The following ITGBL1 variants were observed in gnomAD, a reference collection of about 807,000 sequenced individuals.
The protein encoded by ITGBL1 is integrin subunit beta like 1.
In ITGBL1, 51 loss-of-function variants were observed where a neutral mutation model predicts 68.5. The observed-to-expected ratio is 0.74, with a 90% CI of 0.59 to 0.94. The LOEUF (loss-of-function observed/expected upper bound fraction) is 0.94, where lower values mean the gene tolerates loss of function less well. Ranked by LOEUF, ITGBL1 falls within the 40% of genes least tolerant of loss-of-function variation. ITGBL1 has a pLI of 0.00. For synonymous variants in ITGBL1, 209 were observed against 227.3 expected (o/e 0.92, Z 0.72); for missense variants, 649 against 647.4 (o/e 1.00, Z -0.03).
chr13:101,475,494 T>A (rs1186078616), intron 2 of ITGBL1, among the ~76,000 whole-genome samples: 2 of 150,162 alleles, frequency 1.3e-5, no homozygotes, highest in Non-Finnish European at 3.0e-5. Flanking sequence ...GAGAGAGAGA[T>A]CAGCATAGAA....
Position 101,510,738 on chromosome 13 carries a change from A to G in ITGBL1, c.316+56638A>G, listed in dbSNP as rs946195737. Among the ~76,000 whole-genome samples the G allele has an allele frequency of 6.6e-5, 10 of 151,958 alleles. 1 individual carries two copies. Among genetic ancestry groups the G allele is most frequent in the African/African-American group, 9.7e-5 (4 of 41,406 alleles). On this transcript the variant is annotated intron_variant, in intron 2 of 10. Transcript: ENST00000376180. ...CATTGTGGTTTTGATTTGCATTTTG[A>G]TGATGATTAGTGATGAGCATTTTTT...
At chr13:101,502,824 A>G (rs1400703684) in intron 2 of ITGBL1, among the ~76,000 whole-genome samples, 2 of 152,154 alleles carry the variant, frequency 1.3e-5, no homozygotes, top group Non-Finnish European at 2.9e-5. Context: ...TCCAGGAAGA[A>G]AAAAAGAAAG....
At chr13:101,557,126 C>CAG (rs563521093) in intron 2 of ITGBL1, among the ~76,000 whole-genome samples, 88 of 152,246 alleles carry the variant, frequency 5.8e-4, no homozygotes, top group African/African-American at 1.9e-3. Flanking sequence ...AGGCTGTGGG[C>CAG]AGAGATTTTT....
At chr13:101,539,343 G>A (rs559586414) in intron 2 of ITGBL1, among the ~76,000 whole-genome samples, 1 of 151,992 alleles carries the variant, frequency 6.6e-6, no homozygotes, top group African/African-American at 2.4e-5. Context: ...GAGAATGATG[G>A]TTTCCAGCTT....
chr13:101,631,312 A>G (rs2031970460), intron 7 of ITGBL1, among the ~76,000 whole-genome samples: 1 of 152,052 alleles, frequency 6.6e-6, no homozygotes, highest in Non-Finnish European at 1.5e-5. Context: ...AGGATAATTT[A>G]TTTGATTTTC....
chr13:101,652,604 T>C (rs1277093240), intron 7 of ITGBL1, among the ~76,000 whole-genome samples: 1 of 152,146 alleles, frequency 6.6e-6, no homozygotes, highest in Non-Finnish European at 1.5e-5. Flanking sequence ...GAATCCAAAT[T>C]TTTTGTCTGA....
intron 2 of ITGBL1, among the ~76,000 whole-genome samples, chr13:101,532,081 T>C (rs2049493269): frequency 1.3e-5 from 2 of 152,118 alleles, no homozygotes. Context: ...ACATACAACA[T>C]GCACATCTTA....
chr13:101,524,147 C>G (rs1409615726), intron 2 of ITGBL1, among the ~76,000 whole-genome samples: 2 of 137,466 alleles, frequency 1.5e-5, no homozygotes, highest in African/African-American at 5.4e-5. Context: ...TTTTTTTTAA[C>G]TAGCTCTCCT....
At chr13:101,512,636 G>T (rs1374725911) in intron 2 of ITGBL1, among the ~76,000 whole-genome samples, 2 of 152,098 alleles carry the variant, frequency 1.3e-5, no homozygotes, top group African/African-American at 4.8e-5. Flanking sequence ...TTCCCATGGG[G>T]TGGTTGACCT....
chr13:101,588,854 A>C (rs376765511), intron 6 of ITGBL1, among the ~76,000 whole-genome samples: 1 of 152,182 alleles, frequency 6.6e-6, no homozygotes, highest in Admixed American at 6.5e-5. Context: ...ATAACTTTTA[A>C]AATTGGAATT....
At chr13:101,576,951 T>TAA (rs1566739281) in intron 4 of ITGBL1, among the ~76,000 whole-genome samples, 1 of 66,228 alleles carries the variant, frequency 1.5e-5, no homozygotes. Context: ...TTATTATAGA[T>TAA]GGAAAAAAAA....
chr13:101,508,904 A>G, intron 2 of ITGBL1, among the ~76,000 whole-genome samples: 1 of 152,144 alleles, frequency 6.6e-6, no homozygotes, highest in East Asian at 1.9e-4. Flanking sequence ...TCCTTTCCCA[A>G]ACTTGAAACT....
In ITGBL1 at chr13:101,625,710, G is replaced by C. The variant is rs113496549; in HGVS notation, c.1015+27411G>C. Among the ~76,000 whole-genome samples, 505 of 152,062 alleles carry C rather than the reference G, an allele frequency of 3.3e-3. 2 individuals are homozygous for C. Among genetic ancestry groups the C allele is most frequent in the African/African-American group, 0.012 (481 of 41,478 alleles). ...TGGGAATACAGGAGCCTGCCATCAT[G>C]CCCAGCTAATTTTTTGTATTTTTAG... On this transcript the variant is annotated intron_variant, in intron 7 of 10. Transcript: ENST00000376180.
intron 2 of ITGBL1, among the ~76,000 whole-genome samples, chr13:101,565,657 A>G (rs1236652408): frequency 6.6e-6 from 1 of 152,176 alleles, no homozygotes; most frequent in Non-Finnish European, 1.5e-5. Context: ...TCTAAGCTAA[A>G]AAAATTAAAA....
At chr13:101,631,550 T>C (rs1238492459) in intron 7 of ITGBL1, among the ~76,000 whole-genome samples, 2 of 152,126 alleles carry the variant, frequency 1.3e-5, no homozygotes, top group African/African-American at 4.8e-5. Context: ...CCTACTACCA[T>C]AGATGATGTT....
chr13:101,576,789 A>G (rs976406214), intron 4 of ITGBL1, among the ~76,000 whole-genome samples: 4 of 152,136 alleles, frequency 2.6e-5, no homozygotes, highest in Non-Finnish European at 5.9e-5. Context: ...AACAAACACA[A>G]AAACCTTATT....
intron 7 of ITGBL1, among the ~76,000 whole-genome samples, chr13:101,628,498 T>A (rs533729342): frequency 6.6e-6 from 1 of 151,884 alleles, no homozygotes; most frequent in South Asian, 2.1e-4. Context: ...AGTGGCATGA[T>A]CTCAGCTCAC....
downstream of ITGBL1, chr13:101,720,611 T>TAGC (rs1566810275): frequency 6.6e-6 from 1 of 151,502 alleles, no homozygotes; most frequent in Non-Finnish European, 1.5e-5. Context: ...CTGTAAGTAG[T>TAGC]GTCCATAAGC....
chr13:101,675,708 C>T lies in ITGBL1; in HGVS notation c.1016-16877C>T, dbSNP rs551306202. ...AAATTTAGGGGTGGGATATTTCATC[C>T]AATAATAGCCGTGTAAATGTCTTAT... On this transcript the variant is annotated intron_variant, in intron 7 of 10. Coordinates refer to ENST00000376180, the MANE Select transcript of ITGBL1 (RefSeq NM_004791.3). Among the ~76,000 whole-genome samples, 6 of 152,074 alleles carry T rather than the reference C, an allele frequency of 3.9e-5. No individual in the cohort carries two copies. The East Asian group carries it at 9.6e-4, about 24-fold the overall frequency.
Sources: allele counts gnomAD v4.1 joint callset (sites outside exome capture counted in the v4.1 genomes callset), GRCh38; gene constraint gnomAD v4.1.1; transcripts MANE v1.5; gene names NCBI Gene and HGNC (gene_info 2026-07-23, HGNC 2026-07-21).